DACH1: variants seen among roughly 807,000 people sequenced by gnomAD.
The protein encoded by DACH1 is dachshund family transcription factor 1, also known as dachshund homolog 1.
DACH1 carries 12 observed loss-of-function variants against 54.2 expected under a neutral mutation model. The observed-to-expected ratio is 0.22, with a 90% CI of 0.14 to 0.36. The LOEUF is 0.36. DACH1 is among the 10% of genes least tolerant of loss of function. The pLI, the probability that DACH1 is intolerant of heterozygous loss-of-function variation, is 1.00. For synonymous variants in DACH1, 386 were observed against 366.2 expected (o/e 1.05, Z -0.62); for missense variants, 805 against 929.8 (o/e 0.87, Z 1.75).
intron 1 of DACH1, among the ~76,000 whole-genome samples, chr13:71,780,507 A>G (rs1328719336): frequency 6.6e-6 from 1 of 152,098 alleles, no homozygotes; most frequent in East Asian, 1.9e-4. Flanking sequence ...AGGCTACCAC[A>G]TATTTTTGAA....
chr13:71,515,597 C>T (rs1881097744), intron 6 of DACH1, among the ~76,000 whole-genome samples: 1 of 151,888 alleles, frequency 6.6e-6, no homozygotes, highest in South Asian at 2.1e-4. Context: ...CCAACAATAT[C>T]TCTGAGTCTT....
At chr13:71,685,021 A>G (rs1249046775) in intron 1 of DACH1, among the ~76,000 whole-genome samples, 1 of 152,186 alleles carries the variant, frequency 6.6e-6, no homozygotes, top group Non-Finnish European at 1.5e-5. Context: ...AGAACAAGGA[A>G]GTTAAAAGAT....
chr13:71,839,383 G>A (rs1888929251), intron 1 of DACH1, among the ~76,000 whole-genome samples: 1 of 152,126 alleles, frequency 6.6e-6, no homozygotes, highest in Admixed American at 6.6e-5. Flanking sequence ...CAAGGCGGGT[G>A]GATAATGAGG....
intron 2 of DACH1, among the ~76,000 whole-genome samples, chr13:71,646,855 T>C (rs140832341): frequency 6.6e-6 from 1 of 152,180 alleles, no homozygotes; most frequent in African/African-American, 2.4e-5. Context: ...TGAAAGACAA[T>C]TGCAATAAAA....
At chr13:71,837,748 G>GCAAAGACTTGGAGC (rs368052367) in intron 1 of DACH1, among the ~76,000 whole-genome samples, 1 of 139,578 alleles carries the variant, frequency 7.2e-6, no homozygotes, top group South Asian at 2.3e-4. Context: ...ATTCACAATA[G>GCAAAGACTTGGAGC]CAACCCAAAT....
intron 8 of DACH1, among the ~76,000 whole-genome samples, chr13:71,478,736 T>C (rs1323337089): frequency 1.3e-5 from 2 of 152,206 alleles, no homozygotes; most frequent in African/African-American, 4.8e-5. Flanking sequence ...TCATCCATTT[T>C]CAATTTCAGT....
chr13:71,630,585 G>A lies in DACH1; in HGVS notation c.1097C>T (p.Ser366Phe). Residue 366 changes from serine (S) to phenylalanine (F), a missense_variant, in exon 3 of 11, where the codon TCT becomes TTT. Ser to Phe is a radical substitution (Grantham distance 155). This residue lies in a region of DACH1 where 472 missense variants were observed against 545.3 expected (regional missense o/e 0.87). Transcript: ENST00000613252. ...HASNNQHGAD[S>F]ENGDMNSSVG... is the part of the protein sequence containing the mutation. ...ACTTGAATTCATGTCCCCGTTTTCA[G>A]AGTCTGCTCCATGTTGGTTATTACT... 1 of 1,595,086 alleles carries A rather than the reference G, an allele frequency of 6.3e-7. No homozygotes were observed.
At chr13:71,634,703 C>T (rs559773835) in intron 2 of DACH1, among the ~76,000 whole-genome samples, 3 of 152,270 alleles carry the variant, frequency 2.0e-5, no homozygotes, top group Admixed American at 1.3e-4. Flanking sequence ...CCCCAATCTA[C>T]CCCACTTGCT....
chr13:71,533,152 GAA>G (rs1357504194), intron 6 of DACH1, among the ~76,000 whole-genome samples: 1 of 151,272 alleles, frequency 6.6e-6, no homozygotes, highest in Admixed American at 6.6e-5. Context: ...AAATTATTAG[GAA>G]AAGACAATGA....
At chr13:71,789,430 G>A (rs1886744428) in intron 1 of DACH1, among the ~76,000 whole-genome samples, 1 of 151,902 alleles carries the variant, frequency 6.6e-6, no homozygotes, top group South Asian at 2.1e-4. Flanking sequence ...TTGAACTGAT[G>A]GGATCTGATT....
chr13:71,773,499 TA>T (rs1325676229), intron 1 of DACH1, among the ~76,000 whole-genome samples: 1 of 152,000 alleles, frequency 6.6e-6, no homozygotes, highest in Non-Finnish European at 1.5e-5. Context: ...TTGGTAATTG[TA>T]AAACCTGACT....
intron 3 of DACH1, among the ~76,000 whole-genome samples, chr13:71,574,709 T>G (rs571260273): frequency 7.2e-5 from 11 of 152,134 alleles, no homozygotes; most frequent in African/African-American, 2.6e-4. Context: ...CAAAGCAATT[T>G]TATTAAACAA....
intron 1 of DACH1, among the ~76,000 whole-genome samples, chr13:71,715,462 G>A (rs1210179984): frequency 1.3e-5 from 2 of 152,060 alleles, no homozygotes; most frequent in Admixed American, 6.6e-5. Flanking sequence ...TCTGTTCAGG[G>A]TACATTCTTC....
chr13:71,817,501 G>A (rs1888005102), intron 1 of DACH1, among the ~76,000 whole-genome samples: 1 of 152,174 alleles, frequency 6.6e-6, no homozygotes, highest in Admixed American at 6.5e-5. Context: ...GACACACCAG[G>A]GAACTAGGCC....
chr13:71,583,196 T>G (rs1872971179), intron 3 of DACH1, among the ~76,000 whole-genome samples: 1 of 152,142 alleles, frequency 6.6e-6, no homozygotes, highest in Non-Finnish European at 1.5e-5. Context: ...TGAACCTAGG[T>G]AAAGTTACAC....
intron 1 of DACH1, chr13:71,704,560 C>A: frequency 2.2e-6 from 1 of 459,908 alleles, no homozygotes; most frequent in South Asian, 1.8e-5. Flanking sequence ...GCAACTGAAG[C>A]ACCAGCCTGC....
intron 2 of DACH1, among the ~76,000 whole-genome samples, chr13:71,654,216 C>G (rs1391467696): frequency 6.6e-6 from 1 of 151,368 alleles, no homozygotes; most frequent in African/African-American, 2.4e-5. Flanking sequence ...ACGGTGAAAC[C>G]TGGTCTTTAC....
At chr13:71,466,308 T>C (rs530159806) in intron 10 of DACH1, among the ~76,000 whole-genome samples, 165 of 152,304 alleles carry the variant, frequency 1.1e-3, no homozygotes, top group African/African-American at 3.8e-3. Flanking sequence ...ACCACAAACA[T>C]GTTTATGAGC....
At chr13:71,832,665 G>A (rs1365849282) in intron 1 of DACH1, among the ~76,000 whole-genome samples, 1 of 151,844 alleles carries the variant, frequency 6.6e-6, no homozygotes, top group Non-Finnish European at 1.5e-5. Flanking sequence ...AGAGGAACTT[G>A]TTCAAATGAT....
Sources: allele counts gnomAD v4.1 joint callset (sites outside exome capture counted in the v4.1 genomes callset), GRCh38; gene constraint gnomAD v4.1.1; regional missense constraint gnomAD v4.1.1; transcripts MANE v1.5; gene names NCBI Gene and HGNC (gene_info 2026-07-23, HGNC 2026-07-21).